Variants in ABCD2 observed in about 807,000 individuals in gnomAD.
ABCD2 encodes ATP binding cassette subfamily D member 2, also known as ATP-binding cassette sub-family D member 2.
A neutral mutation model predicts 70.9 loss-of-function variants in ABCD2; 36 were observed. The ratio of observed to expected loss-of-function variants is 0.51; its 90% CI spans 0.39 to 0.67. The LOEUF (loss-of-function observed/expected upper bound fraction) is 0.67, where lower values mean the gene tolerates loss of function less well. Among genes scored for constraint, ABCD2 ranks in the 30% least tolerant of loss-of-function variants. The pLI is 0.00. For synonymous variants in ABCD2, 304 were observed against 306.9 expected (o/e 0.99, Z 0.10); for missense variants, 729 against 890.2 (o/e 0.82, Z 2.30).
intron 9 of ABCD2, among the ~76,000 whole-genome samples, chr12:39,565,950 G>C (rs968648234): frequency 6.6e-6 from 1 of 152,132 alleles, no homozygotes; most frequent in Non-Finnish European, 1.5e-5. Flanking sequence ...TGCATATGTT[G>C]AACCAGCCTT....
At chr12:39,578,215 C>A (rs1425357350) in intron 8 of ABCD2, among the ~76,000 whole-genome samples, 1 of 152,210 alleles carries the variant, frequency 6.6e-6, no homozygotes, top group Non-Finnish European at 1.5e-5. Context: ...TGGCTTACGC[C>A]TGTAATCCCA....
chr12:39,563,545 T>C (rs1941293347), intron 9 of ABCD2, among the ~76,000 whole-genome samples: 1 of 152,012 alleles, frequency 6.6e-6, no homozygotes, highest in Admixed American at 6.6e-5. Flanking sequence ...GGCATCTGAA[T>C]TTGAAAGGAA....
intron 9 of ABCD2, 90 bp from the exon 10 acceptor site, chr12:39,554,221 G>T: frequency 7.8e-7 from 1 of 1,278,916 alleles, no homozygotes; most frequent in Non-Finnish European, 1.1e-6. Flanking sequence ...ATACCCAAAG[G>T]CAAATTTTAA....
chr12:39,583,497 A>T (rs1249945091), intron 7 of ABCD2, among the ~76,000 whole-genome samples: 1 of 152,224 alleles, frequency 6.6e-6, no homozygotes, highest in African/African-American at 2.4e-5. Flanking sequence ...AAGTGTGAAT[A>T]TAATTTTTTG....
intron 9 of ABCD2, among the ~76,000 whole-genome samples, chr12:39,566,825 G>A (rs567318850): frequency 3.0e-4 from 45 of 152,260 alleles, no homozygotes; most frequent in African/African-American, 8.7e-4. Flanking sequence ...ATTCTGGTAC[G>A]TTGTGTCTTT....
chr12:39,536,556 A>C, the ABCD2 span, among the ~76,000 whole-genome samples: 1 of 152,246 alleles, frequency 6.6e-6, no homozygotes, highest in African/African-American at 2.4e-5. Context: ...AACGGGAACC[A>C]ATGACTATAC....
intron 9 of ABCD2, among the ~76,000 whole-genome samples, chr12:39,568,283 C>G (rs570728386): frequency 6.6e-6 from 1 of 152,332 alleles, no homozygotes; most frequent in East Asian, 1.9e-4. Context: ...TAGATTTGGT[C>G]TTTTCACATA....
In ABCD2 at chr12:39,599,243, A is replaced by T. The variant is rs1449533242; in HGVS notation, c.1646+1328T>A. Among the ~76,000 whole-genome samples the T allele has an allele frequency of 3.3e-5, 5 of 152,226 alleles. No individual in the cohort carries two copies. In the East Asian group the frequency reaches 9.6e-4, roughly 29 times the overall value. ...TGTTCTGGTCAAAGTTATATTCAAC[A>T]ACTGTAGCTAAAAATATAAAATGTA... On this transcript the variant is annotated intron_variant, in intron 6 of 9. Coordinates refer to ENST00000308666, the MANE Select transcript of ABCD2 (RefSeq NM_005164.4).
intron 6 of ABCD2, among the ~76,000 whole-genome samples, chr12:39,588,797 T>A (rs1941702884): frequency 6.6e-6 from 1 of 151,638 alleles, no homozygotes; most frequent in African/African-American, 2.4e-5. Flanking sequence ...TTTAAAAATA[T>A]CAATGTCATA....
At chr12:39,539,275 A>G in the ABCD2 span, among the ~76,000 whole-genome samples, 2 of 152,238 alleles carry the variant, frequency 1.3e-5, no homozygotes, top group South Asian at 2.1e-4. Context: ...TAGTATTTCT[A>G]TTCTTCCATC....
the ABCD2 span, among the ~76,000 whole-genome samples, chr12:39,533,828 T>C: frequency 6.6e-6 from 1 of 152,220 alleles, no homozygotes; most frequent in African/African-American, 2.4e-5. Context: ...GGAACCAGTG[T>C]AGTGTTTTAC....
chr12:39,591,262 C>A (rs2120662424), intron 6 of ABCD2, among the ~76,000 whole-genome samples: 1 of 152,032 alleles, frequency 6.6e-6, no homozygotes, highest in Admixed American at 6.5e-5. Flanking sequence ...TTATAGTATT[C>A]TTAAAAAATG....
chr12:39,596,717 G>T (rs901321093), intron 6 of ABCD2, among the ~76,000 whole-genome samples: 1 of 152,030 alleles, frequency 6.6e-6, no homozygotes, highest in African/African-American at 2.4e-5. Flanking sequence ...AGAAAATTAC[G>T]ATTAAAATTT....
chr12:39,577,269 A>C (rs1258669353), intron 8 of ABCD2, among the ~76,000 whole-genome samples: 1 of 152,114 alleles, frequency 6.6e-6, no homozygotes, highest in Non-Finnish European at 1.5e-5. Context: ...TATTTTAATA[A>C]AATTCTTTAA....
At chr12:39,534,760 G>GAGAAAGAAAGAAAGAA in the ABCD2 span, among the ~76,000 whole-genome samples, 75 of 113,250 alleles carry the variant, frequency 6.6e-4, 1 homozygote, top group African/African-American at 2.1e-3. Context: ...AAGAAAGAAA[G>GAGAAAGAAAGAAAGAA]AGAAAGAAAG....
intron 2 of ABCD2, 31 bp from the exon 3 acceptor site, chr12:39,607,745 G>GTTTTTTTTTTT: frequency 2.6e-6 from 2 of 775,082 alleles, no homozygotes; most frequent in Non-Finnish European, 1.9e-6. Context: ...CAAAACTTGA[G>GTTTTTTTTTTT]TTTTTTTTTT....
chr12:39,586,202 T>C lies in ABCD2; in HGVS notation c.1742A>G (p.Glu581Gly). The change falls in exon 7 of 10, where the codon GAA (glutamate) becomes GGA (glycine). Residue 581 changes from glutamate (E) to glycine (G), a missense_variant. By Grantham distance (98) the Glu-to-Gly change is moderately conservative. This residue lies in a region of ABCD2 where 289 missense variants were observed against 328.8 expected (regional missense o/e 0.88). Coordinates refer to ENST00000308666, the MANE Select transcript of ABCD2 (RefSeq NM_005164.4). ...HDKGYTDQDL[E>G]RILHNVHLYH... ...GAGATGGACATTGTGTAGGATACGT[T>C]CCAGATCTTGGTCTGTATAACCTTT... 2 of 1,613,632 alleles carry C rather than the reference T, an allele frequency of 1.2e-6. No homozygotes were observed. The highest frequency in any genetic ancestry group is 2.2e-5 in the East Asian group (1 of 44,854).
At chr12:39,569,455 G>A (rs543625129) in intron 9 of ABCD2, among the ~76,000 whole-genome samples, 8 of 152,338 alleles carry the variant, frequency 5.3e-5, no homozygotes, top group South Asian at 4.1e-4. Flanking sequence ...CTGGTGTGCC[G>A]TTTGCTAGGA....
chr12:39,555,004 CTTTT>C (rs1184436027), intron 9 of ABCD2, among the ~76,000 whole-genome samples: 1 of 151,846 alleles, frequency 6.6e-6, no homozygotes, highest in Non-Finnish European at 1.5e-5. Context: ...GATCGGTGGG[CTTTT>C]TTCAAGCAGT....
Sources: allele counts gnomAD v4.1 joint callset (sites outside exome capture counted in the v4.1 genomes callset), GRCh38; gene constraint gnomAD v4.1.1; regional missense constraint gnomAD v4.1.1; transcripts MANE v1.5; gene names NCBI Gene and HGNC (gene_info 2026-07-23, HGNC 2026-07-21).